The following SPATA18 variants were observed in gnomAD, a reference collection of about 807,000 sequenced individuals.
SPATA18 encodes spermatogenesis associated 18.
Under a neutral mutation model 68.1 loss-of-function variants are expected in SPATA18, and 54 were observed. That is an observed-to-expected ratio of 0.79 (90% CI 0.64 to 0.99). The LOEUF (loss-of-function observed/expected upper bound fraction) is 0.99, where lower values mean the gene tolerates loss of function less well. SPATA18 is among the 50% of genes least tolerant of loss of function. The pLI is 0.00. For synonymous variants in SPATA18, 242 were observed against 244.8 expected (o/e 0.99, Z 0.11); for missense variants, 724 against 681.1 (o/e 1.06, Z -0.70).
chr4:52,082,943 T>C (rs1741077431), intron 10 of SPATA18: 3 of 985,244 alleles, frequency 3.0e-6, no homozygotes, highest in Admixed American at 6.2e-5. Context: ...TTTCTCTCCT[T>C]GGTATGATGT....
intron 4 of SPATA18, 152 bp from the exon 5 acceptor site, chr4:52,069,669 T>C (rs1439337379): frequency 7.6e-6 from 3 of 392,922 alleles, no homozygotes; most frequent in Non-Finnish European, 1.4e-5. Flanking sequence ...ATATTTGCAA[T>C]ATTACCTGAT....
intron 11 of SPATA18, among the ~76,000 whole-genome samples, chr4:52,092,378 G>A (rs1038768679): frequency 2.6e-5 from 4 of 152,212 alleles, no homozygotes. Flanking sequence ...TGGTTTGCAG[G>A]TTGCAAAGAC....
At chr4:52,072,940 T>C (rs1739992581) in intron 6 of SPATA18, among the ~76,000 whole-genome samples, 1 of 152,176 alleles carries the variant, frequency 6.6e-6, no homozygotes, top group South Asian at 2.1e-4. Flanking sequence ...TATGGACAGA[T>C]TTTAAGACAG....
At chr4:52,093,834 A>G (rs1326588857) in intron 11 of SPATA18, among the ~76,000 whole-genome samples, 1 of 152,178 alleles carries the variant, frequency 6.6e-6, no homozygotes, top group Non-Finnish European at 1.5e-5. Context: ...TCTAATCTCA[A>G]AGGTATCACT....
chr4:52,086,820 A>G (rs919395503), intron 11 of SPATA18, among the ~76,000 whole-genome samples: 1 of 152,192 alleles, frequency 6.6e-6, no homozygotes, highest in Non-Finnish European at 1.5e-5. Context: ...TTCCAGTTCT[A>G]GATCCTTGAG....
intron 4 of SPATA18, among the ~76,000 whole-genome samples, chr4:52,068,180 T>C (rs572090819): frequency 1.3e-4 from 20 of 152,240 alleles, no homozygotes; most frequent in South Asian, 4.1e-4. Context: ...ATAAAAATGT[T>C]CATTTTCACA....
chr4:52,083,777 T>C (rs964084338), intron 10 of SPATA18, among the ~76,000 whole-genome samples: 7 of 149,616 alleles, frequency 4.7e-5, no homozygotes, highest in African/African-American at 1.7e-4. Flanking sequence ...AGTCTCGTTC[T>C]GTCTCCCAGC....
At chr4:52,063,754 T>C (rs909906473) in intron 4 of SPATA18, among the ~76,000 whole-genome samples, 4 of 152,136 alleles carry the variant, frequency 2.6e-5, no homozygotes, top group Non-Finnish European at 5.9e-5. Context: ...GTTTTTGGTC[T>C]TATACTGCCC....
Position 52,078,889 on chromosome 4 carries a change from T to G in SPATA18, c.1175T>G (p.Val392Gly). The part of the protein sequence containing the change: ...HLDLYDSQSS[V>G]NDVIRAMNVN... Reference sequence around the variant, plus strand: ...GATCTATATGATTCTCAAAGCAGTGTCAATGTAAGTGTTGAGTCTTTTATT... The same window carrying G: ...GATCTATATGATTCTCAAAGCAGTGGCAATGTAAGTGTTGAGTCTTTTATT... The change falls in exon 8 of 13, where the codon GTC becomes GGC. Residue 392 changes from valine (V) to glycine (G), a missense_variant. By Grantham distance (109) the Val-to-Gly change is moderately radical (BLOSUM62 -3). Coordinates refer to ENST00000295213, the MANE Select transcript of SPATA18 (RefSeq NM_145263.4). 1.3e-6 allele frequency: 2 copies of G among 1,576,130 alleles called. No homozygotes were observed. Among genetic ancestry groups the G allele is most frequent in the Non-Finnish European group, 1.7e-6 (2 of 1,150,694 alleles).
In SPATA18 at chr4:52,079,872, C is replaced by G. The variant is rs370332305; in HGVS notation, c.1308C>G (p.Pro436=). The G allele has an allele frequency of 1.2e-6, 2 of 1,613,830 alleles. No individual in the cohort carries two copies. The highest frequency in any genetic ancestry group is 2.7e-5 in the African/African-American group (2 of 74,906). Residue 436 remains proline, a synonymous_variant, in exon 9 of 13, where the codon CCC becomes CCG. Coordinates refer to ENST00000295213, the MANE Select transcript of SPATA18 (RefSeq NM_145263.4). ...TTGCAATGCAGGCCTTAGAACCACC[C>G]CTAGATATTGCATATGGAGCAGATG... is the stretch of plus-strand genomic sequence containing the variant. ...IAFAMQALEP[P]LDIAYGADGE...
chr4:52,066,066 C>G (rs1739283061), intron 4 of SPATA18, among the ~76,000 whole-genome samples: 1 of 152,180 alleles, frequency 6.6e-6, no homozygotes, highest in Non-Finnish European at 1.5e-5. Flanking sequence ...ACTGGCTTCC[C>G]CACTTCCATT....
chr4:52,075,896 C>G (rs763217197), intron 6 of SPATA18, among the ~76,000 whole-genome samples: 1 of 152,068 alleles, frequency 6.6e-6, no homozygotes, highest in Non-Finnish European at 1.5e-5. Flanking sequence ...TAGTTAATAC[C>G]ACAAATATAT....
At chr4:52,059,669 G>A (rs1486732257) in intron 1 of SPATA18, among the ~76,000 whole-genome samples, 1 of 152,204 alleles carries the variant, frequency 6.6e-6, no homozygotes, top group Non-Finnish European at 1.5e-5. Flanking sequence ...ATCTGTGTAG[G>A]TAAGACTTAT....
intron 1 of SPATA18, among the ~76,000 whole-genome samples, chr4:52,056,712 T>A (rs1442284331): frequency 6.6e-6 from 1 of 152,162 alleles, no homozygotes; most frequent in African/African-American, 2.4e-5. Flanking sequence ...ACCCTTAGTA[T>A]GTCTATAGCC....
At chr4:52,092,487 C>G (rs1011703601) in intron 11 of SPATA18, among the ~76,000 whole-genome samples, 1 of 152,198 alleles carries the variant, frequency 6.6e-6, no homozygotes, top group Non-Finnish European at 1.5e-5. Flanking sequence ...TTTGCACTTC[C>G]CAGGTGAGGT....
intron 10 of SPATA18, chr4:52,083,240 A>G: frequency 1.0e-6 from 1 of 985,390 alleles, no homozygotes; most frequent in Non-Finnish European, 1.2e-6. Flanking sequence ...AGAAAGAGTT[A>G]AATGAAGCCC....
chr4:52,074,655 T>G (rs1374720756), intron 6 of SPATA18, among the ~76,000 whole-genome samples: 1 of 152,140 alleles, frequency 6.6e-6, no homozygotes, highest in Non-Finnish European at 1.5e-5. Flanking sequence ...TTAGACAGAT[T>G]CAGAGTTTTG....
At chr4:52,087,209 CT>C (rs1741512878) in intron 11 of SPATA18, among the ~76,000 whole-genome samples, 1 of 152,150 alleles carries the variant, frequency 6.6e-6, no homozygotes, top group Admixed American at 6.5e-5. Context: ...TTCTCCCATT[CT>C]GTAGGTTGCC....
chr4:52,063,790 C>T (rs1739088576), intron 4 of SPATA18, among the ~76,000 whole-genome samples: 1 of 152,066 alleles, frequency 6.6e-6, no homozygotes, highest in African/African-American at 2.4e-5. Context: ...GCCTTAATTT[C>T]ATGTAGGCAC....
Sources: allele counts gnomAD v4.1 joint callset (sites outside exome capture counted in the v4.1 genomes callset), GRCh38; gene constraint gnomAD v4.1.1; transcripts MANE v1.5; gene names NCBI Gene and HGNC (gene_info 2026-07-23, HGNC 2026-07-21).